RAB2A: variants seen among roughly 807,000 people sequenced by gnomAD.
RAB2A encodes the protein ras-related protein Rab-2A.
Under a neutral mutation model 32.5 loss-of-function variants are expected in RAB2A, and 7 were observed. That is an observed-to-expected ratio of 0.22 (90% confidence interval 0.12 to 0.40). The LOEUF (loss-of-function observed/expected upper bound fraction) is 0.40. Among genes scored for constraint, RAB2A ranks in the 10% least tolerant of loss-of-function variants. The probability of loss-of-function intolerance (pLI) is 1.00; values close to 1 mark genes in which losing one functional copy is unlikely to be tolerated. For missense variants in RAB2A, 108 were observed against 260.7 expected (o/e 0.41, Z 4.03); for synonymous variants, 79 against 85.2 (o/e 0.93, Z 0.40).
chr8:60,519,766 A>G, intron 1 of RAB2A, among the ~76,000 whole-genome samples: 1 of 151,828 alleles, frequency 6.6e-6, no homozygotes, highest in Admixed American at 6.6e-5. Flanking sequence ...ATATTTAACT[A>G]ATAAGAGAGG....
At chr8:60,522,251 AT>A (rs990912187) in intron 1 of RAB2A, among the ~76,000 whole-genome samples, 1 of 152,116 alleles carries the variant, frequency 6.6e-6, no homozygotes, top group African/African-American at 2.4e-5. Flanking sequence ...GTCAGGGACT[AT>A]TGGTTGAAAT....
intron 1 of RAB2A, among the ~76,000 whole-genome samples, chr8:60,542,662 TG>T (rs1308437615): frequency 6.6e-6 from 1 of 152,126 alleles, no homozygotes; most frequent in South Asian, 2.1e-4. Flanking sequence ...GTTTTAATAT[TG>T]GGGGTACTTT....
rs1030676332 is a variant in RAB2A, at chr8:60,621,458, A to G, written c.*689A>G. ...AATGTATATTACAAAGGCTTTGTATATGTTAACCTGTTTTAATGCCAAAAG... is the reference window on the plus strand; with the variant it reads ...AATGTATATTACAAAGGCTTTGTATGTGTTAACCTGTTTTAATGCCAAAAG... On this transcript the variant is annotated 3_prime_UTR_variant, in exon 8 of 8. Transcript: ENST00000262646. 7 of 152,206 alleles carry G rather than the reference A, an allele frequency of 4.6e-5. No homozygotes were observed. Among genetic ancestry groups the G allele is most frequent in the Admixed American group, 4.6e-4 (7 of 15,282 alleles). The allele number at this position is 152,206 out of a possible 1,614,324, so 9.4% of individuals were successfully genotyped here. A position where few individuals can be genotyped will look rare whatever the true frequency, so the allele number is the denominator to read the frequency against.
chr8:60,595,968 C>T (rs917498433), intron 6 of RAB2A, among the ~76,000 whole-genome samples: 1 of 152,188 alleles, frequency 6.6e-6, no homozygotes, highest in Non-Finnish European at 1.5e-5. Flanking sequence ...AAACAGTACG[C>T]TTCTGTGTGT....
chr8:60,517,322 T>C, intron 1 of RAB2A, 69 bp downstream of exon 1: 1 of 1,356,272 alleles, frequency 7.4e-7, no homozygotes, highest in Non-Finnish European at 9.7e-7. Context: ...GCAAACGGCG[T>C]CTGGCGGTGG....
intron 1 of RAB2A, among the ~76,000 whole-genome samples, chr8:60,538,521 T>C (rs967173416): frequency 6.6e-6 from 1 of 152,198 alleles, no homozygotes; most frequent in Non-Finnish European, 1.5e-5. Flanking sequence ...TAGTAGTCAC[T>C]ACCTCTAAGG....
At chr8:60,592,893 A>G (rs1348670546) in intron 6 of RAB2A, among the ~76,000 whole-genome samples, 1 of 152,218 alleles carries the variant, frequency 6.6e-6, no homozygotes, top group East Asian at 1.9e-4. Flanking sequence ...TCTAGATAAG[A>G]ACAGCTTATA....
At chr8:60,558,700 C>CT (rs1395117354) in intron 1 of RAB2A, 152 bp from the exon 2 acceptor site, 1 of 691,044 alleles carries the variant, frequency 1.4e-6, no homozygotes, top group Non-Finnish European at 2.6e-6. Flanking sequence ...CATCAGTCCT[C>CT]TTATTTTGCA....
At chr8:60,520,188 G>C (rs987030421) in intron 1 of RAB2A, among the ~76,000 whole-genome samples, 1 of 152,164 alleles carries the variant, frequency 6.6e-6, no homozygotes, top group Non-Finnish European at 1.5e-5. Context: ...TTCCTTTTCA[G>C]AATTCCCTCT....
intron 1 of RAB2A, among the ~76,000 whole-genome samples, chr8:60,533,461 C>G (rs1349218072): frequency 6.6e-6 from 1 of 152,142 alleles, no homozygotes; most frequent in Non-Finnish European, 1.5e-5. Context: ...CTTTCAGATA[C>G]TTAGGTGACT....
intron 3 of RAB2A, among the ~76,000 whole-genome samples, chr8:60,582,043 T>G (rs1586096075): frequency 1.3e-5 from 2 of 151,272 alleles, no homozygotes; most frequent in Middle Eastern, 6.8e-3. Context: ...ACTCCTGGGC[T>G]CAAGTGATCC....
intron 6 of RAB2A, among the ~76,000 whole-genome samples, chr8:60,611,974 A>G (rs1173639711): frequency 2.0e-5 from 3 of 151,434 alleles, no homozygotes; most frequent in South Asian, 2.1e-4. Flanking sequence ...ATAAACAACT[A>G]TTTTTTTTTA....
chr8:60,575,145 C>G (rs1586091811), intron 3 of RAB2A, among the ~76,000 whole-genome samples: 1 of 139,774 alleles, frequency 7.2e-6, no homozygotes, highest in Non-Finnish European at 1.5e-5. Flanking sequence ...GTCGCCCAGG[C>G]TTGAGTGTAG....
In RAB2A at chr8:60,622,508, T is replaced by TAA. The variant is rs1804544612; in HGVS notation, c.*1740_*1741dup. 1.3e-5 allele frequency: 2 copies of TAA among 152,212 alleles called. No homozygotes were observed. Among genetic ancestry groups the TAA allele is most frequent in the African/African-American group, 4.8e-5 (2 of 41,462 alleles). 9.4% of individuals were successfully genotyped at this position (152,212 alleles called of 1,614,324 possible). A position where few individuals can be genotyped will look rare whatever the true frequency, so the allele number is the denominator to read the frequency against. On this transcript the variant is annotated 3_prime_UTR_variant, in exon 8 of 8. Transcript: ENST00000262646. ...GCTGTATCAAATTCACTGGTCTTACTAATCACTGTCTTTACCAGTGAGTAC... is the reference window on the plus strand; with the variant it reads ...GCTGTATCAAATTCACTGGTCTTACTAAAATCACTGTCTTTACCAGTGAGTAC...
chr8:60,564,863 A>T (rs1276762828), intron 2 of RAB2A, among the ~76,000 whole-genome samples: 1 of 152,258 alleles, frequency 6.6e-6, no homozygotes, highest in East Asian at 1.9e-4. Context: ...TAGGGACTTT[A>T]AAAATATTTG....
intron 1 of RAB2A, among the ~76,000 whole-genome samples, chr8:60,558,216 A>G (rs1807967626): frequency 6.6e-6 from 1 of 152,192 alleles, no homozygotes; most frequent in Non-Finnish European, 1.5e-5. Flanking sequence ...AAAATGAGTA[A>G]GAAGGGGGTA....
intron 2 of RAB2A, among the ~76,000 whole-genome samples, chr8:60,569,058 A>C (rs1808158512): frequency 6.6e-6 from 1 of 152,258 alleles, no homozygotes; most frequent in Admixed American, 6.5e-5. Flanking sequence ...ATAGAATTAA[A>C]GGGGAATTGG....
At position 60,602,062 on chromosome 8, in the gene RAB2A, G is replaced by T. The variant is rs547571200; in HGVS notation, c.474+10093G>T. Among the ~76,000 whole-genome samples the T allele has an allele frequency of 8.0e-5, 12 of 149,938 alleles. No homozygotes were observed. The South Asian group carries it at 2.5e-3, about 32-fold the overall frequency. ...CCCAGCTAATTTTTTTTTTTTTGTAGAGGCAAAGTCTTGCCATGTTGCCCA... is the reference window on the plus strand; with the variant it reads ...CCCAGCTAATTTTTTTTTTTTTGTATAGGCAAAGTCTTGCCATGTTGCCCA... On this transcript the variant is annotated intron_variant, in intron 6 of 7. Transcript: ENST00000262646.
At chr8:60,575,209 C>T (rs180755396) in intron 3 of RAB2A, among the ~76,000 whole-genome samples, 48 of 151,574 alleles carry the variant, frequency 3.2e-4, no homozygotes, top group Middle Eastern at 3.4e-3. Flanking sequence ...AGCAATCCTC[C>T]CACGTCAGCC....
Sources: allele counts gnomAD v4.1 joint callset (sites outside exome capture counted in the v4.1 genomes callset), GRCh38; gene constraint gnomAD v4.1.1; transcripts MANE v1.5; gene names NCBI Gene and HGNC (gene_info 2026-07-23, HGNC 2026-07-21).